DRC11: variants seen among roughly 807,000 people sequenced by gnomAD.
DRC11 encodes dynein regulatory complex subunit 11, also known as IQ and AAA domain-containing protein 1.
At chr2:236,411,561 A>G in the DRC11 span, among the ~76,000 whole-genome samples, 8 of 151,746 alleles carry the variant, frequency 5.3e-5, no homozygotes, top group Non-Finnish European at 1.0e-4. Context: ...TACCCAAAGG[A>G]TTATAAATCA....
chr2:236,322,187 A>G, the DRC11 span, among the ~76,000 whole-genome samples: 1 of 149,180 alleles, frequency 6.7e-6, no homozygotes, highest in Non-Finnish European at 1.5e-5. Flanking sequence ...TCCAAAATCA[A>G]TCTGTCTTTG....
chr2:236,408,868 C>A, the DRC11 span: 3 of 653,218 alleles, frequency 4.6e-6, no homozygotes, highest in African/African-American at 5.5e-5. This position sits in a 1 kb window ranked among gnomAD's most constrained non-coding sequence, Gnocchi z 5.5. Flanking sequence ...TCTACCACCT[C>A]CTTCTTGTTC....
chr2:236,445,506 T>G, the DRC11 span, among the ~76,000 whole-genome samples: 1 of 151,472 alleles, frequency 6.6e-6, no homozygotes, highest in East Asian at 1.9e-4. This position sits in a 1 kb window ranked among gnomAD's most constrained non-coding sequence, Gnocchi z 4.8. Context: ...CTACTTTTTT[T>G]TTTTTGTATT....
chr2:236,406,749 ATT>A, the DRC11 span, among the ~76,000 whole-genome samples: 6 of 143,638 alleles, frequency 4.2e-5, no homozygotes, highest in Non-Finnish European at 4.6e-5. The surrounding 1 kb of genome is among the most constrained non-coding windows in gnomAD (Gnocchi z 4.7). Context: ...GATCTCCACT[ATT>A]TTTTTTTTTT....
the DRC11 span, among the ~76,000 whole-genome samples, chr2:236,453,569 C>T: frequency 2.6e-5 from 4 of 152,210 alleles, no homozygotes; most frequent in African/African-American, 9.6e-5. This position sits in a 1 kb window ranked among gnomAD's most constrained non-coding sequence, Gnocchi z 4.9. Flanking sequence ...CCTCTTACTT[C>T]CCCAGCTACG....
At chr2:236,484,783 T>C in the DRC11 span, among the ~76,000 whole-genome samples, 1 of 152,198 alleles carries the variant, frequency 6.6e-6, no homozygotes, top group Admixed American at 6.5e-5. Context: ...GGGTCTCTTT[T>C]CTTTCGTTAG....
the DRC11 span, among the ~76,000 whole-genome samples, chr2:236,396,118 G>A: frequency 3.3e-5 from 5 of 151,878 alleles, no homozygotes; most frequent in Non-Finnish European, 5.9e-5. Context: ...ACACTTTTGC[G>A]CAGGGCACTT....
chr2:236,413,455 G>A, the DRC11 span, among the ~76,000 whole-genome samples: 2 of 152,098 alleles, frequency 1.3e-5, no homozygotes, highest in Non-Finnish European at 2.9e-5. This position sits in a 1 kb window ranked among gnomAD's most constrained non-coding sequence, Gnocchi z 4.0. Flanking sequence ...AACTTCCTTT[G>A]GAAATGCATG....
chr2:236,408,556 G>A, the DRC11 span: 2 of 725,976 alleles, frequency 2.8e-6, no homozygotes, highest in Non-Finnish European at 5.1e-6. The surrounding 1 kb of genome is among the most constrained non-coding windows in gnomAD (Gnocchi z 5.5). Context: ...CTTCTGGCGT[G>A]GAGGAAGCAG....
the DRC11 span, among the ~76,000 whole-genome samples, chr2:236,491,192 A>G: frequency 5.6e-4 from 28 of 49,668 alleles, no homozygotes; most frequent in African/African-American, 3.0e-3. Context: ...CACACAGTAT[A>G]TATATATATA....
chr2:236,324,265 T>A, the DRC11 span: 1 of 177,004 alleles, frequency 5.6e-6, no homozygotes, highest in Non-Finnish European at 1.2e-5. This position sits in a 1 kb window ranked among gnomAD's most constrained non-coding sequence, Gnocchi z 5.7. Flanking sequence ...AAAAAGCTAG[T>A]GTACTGATGA....
chr2:236,492,456 T>C, the DRC11 span, among the ~76,000 whole-genome samples: 1 of 152,236 alleles, frequency 6.6e-6, no homozygotes, highest in East Asian at 1.9e-4. Context: ...ACACTTGGAA[T>C]CTTCCTTAAC....
the DRC11 span, among the ~76,000 whole-genome samples, chr2:236,429,001 A>G: frequency 1.3e-5 from 2 of 152,192 alleles, no homozygotes; most frequent in African/African-American, 4.8e-5. The surrounding 1 kb of genome is among the most constrained non-coding windows in gnomAD (Gnocchi z 5.9). Flanking sequence ...GATTCTTCAT[A>G]TAGTCTTATA....
the DRC11 span, among the ~76,000 whole-genome samples, chr2:236,446,554 C>T: frequency 1.3e-5 from 2 of 152,228 alleles, no homozygotes; most frequent in Non-Finnish European, 2.9e-5. This position sits in a 1 kb window ranked among gnomAD's most constrained non-coding sequence, Gnocchi z 6.2. Context: ...GGCACTTACC[C>T]TGTCTTTGTT....
the DRC11 span, among the ~76,000 whole-genome samples, chr2:236,428,025 T>C: frequency 6.6e-6 from 1 of 152,154 alleles, no homozygotes; most frequent in Admixed American, 6.5e-5. Flanking sequence ...TTAATTTCTA[T>C]CTATTTGTGA....
chr2:236,442,403 T>C, the DRC11 span, among the ~76,000 whole-genome samples: 1 of 152,040 alleles, frequency 6.6e-6, no homozygotes, highest in Non-Finnish European at 1.5e-5. Context: ...AATGGAAGAG[T>C]ACATAGAACA....
chr2:236,453,717 G>T, the DRC11 span, among the ~76,000 whole-genome samples: 1 of 151,834 alleles, frequency 6.6e-6, no homozygotes, highest in Admixed American at 6.6e-5. This position sits in a 1 kb window ranked among gnomAD's most constrained non-coding sequence, Gnocchi z 4.9. Flanking sequence ...TCAGCTCACT[G>T]CAACCTCCAC....
the DRC11 span, among the ~76,000 whole-genome samples, chr2:236,317,544 A>C: frequency 6.6e-6 from 1 of 152,194 alleles, no homozygotes; most frequent in South Asian, 2.1e-4. The surrounding 1 kb of genome is among the most constrained non-coding windows in gnomAD (Gnocchi z 5.4). Context: ...TCAGGACAAT[A>C]GTTGCCTTTG....
the DRC11 span, chr2:236,344,516 AG>A: frequency 6.8e-7 from 1 of 1,462,516 alleles, no homozygotes; most frequent in Non-Finnish European, 9.5e-7. Flanking sequence ...CCTCCTTTGG[AG>A]GAAAGAAAAG....
Sources: gnomAD v4.1 joint callset for allele counts (sites outside exome capture counted in the v4.1 genomes callset) on GRCh38, gnomAD v4.1.1 for gene constraint, Gnocchi (gnomAD v3.1) non-coding constraint, MANE v1.5 for transcripts, NCBI Gene and HGNC (gene_info 2026-07-23, HGNC 2026-07-21) for gene names.